Variants in SLC35F1 observed in about 807,000 individuals in gnomAD.
SLC35F1 encodes chromosome 6 open reading frame 169.
SLC35F1 carries 14 observed loss-of-function variants against 48.7 expected under a neutral mutation model. That is an observed-to-expected ratio of 0.29 (90% CI 0.19 to 0.45). The LOEUF (loss-of-function observed/expected upper bound fraction) is 0.45. SLC35F1 is among the 20% of genes least tolerant of loss of function. The pLI, the probability that SLC35F1 is intolerant of heterozygous loss-of-function variation, is 1.00. For missense variants in SLC35F1, 404 were observed against 500.0 expected, an observed-to-expected ratio of 0.81 and a Z score of 1.83; for synonymous variants, 190 against 202.2, an observed-to-expected ratio of 0.94 and a Z score of 0.51.
At chr6:118,027,302 T>C (rs1771973442) in intron 1 of SLC35F1, among the ~76,000 whole-genome samples, 1 of 152,124 alleles carries the variant, frequency 6.6e-6, no homozygotes, top group African/African-American at 2.4e-5. Flanking sequence ...CTCTGGTAAA[T>C]ACCTAGGAGT....
At chr6:117,923,700 C>CATATGT (rs1562238818) in intron 1 of SLC35F1, among the ~76,000 whole-genome samples, 996 of 5,802 alleles carry the variant, frequency 0.17, 338 homozygotes, top group African/African-American at 0.26. Flanking sequence ...TGTACATATA[C>CATATGT]ATATATGTAC....
intron 2 of SLC35F1, among the ~76,000 whole-genome samples, chr6:118,189,208 G>A (rs564991909): frequency 4.7e-4 from 72 of 152,262 alleles, no homozygotes; most frequent in African/African-American, 1.7e-3. Flanking sequence ...ACCATGCCCA[G>A]TCCAACTTAC....
chr6:117,957,763 TAAAC>T (rs963507722), intron 1 of SLC35F1, among the ~76,000 whole-genome samples: 28 of 152,358 alleles, frequency 1.8e-4, no homozygotes, highest in Middle Eastern at 6.8e-3. Flanking sequence ...GATGCTTGTG[TAAAC>T]AAACCTGCTG....
intron 1 of SLC35F1, among the ~76,000 whole-genome samples, chr6:117,984,533 A>G (rs1776824988): frequency 6.6e-6 from 1 of 151,970 alleles, no homozygotes; most frequent in Admixed American, 6.6e-5. Context: ...TTCATGACAC[A>G]TAAATGTATA....
At chr6:117,912,298 G>C (rs768391307) in intron 1 of SLC35F1, among the ~76,000 whole-genome samples, 4 of 152,150 alleles carry the variant, frequency 2.6e-5, no homozygotes, top group Admixed American at 6.5e-5. Flanking sequence ...AGATCGTTAA[G>C]GATATACATA....
chr6:118,200,682 G>A (rs968915294), intron 2 of SLC35F1, among the ~76,000 whole-genome samples: 1 of 152,162 alleles, frequency 6.6e-6, no homozygotes, highest in Non-Finnish European at 1.5e-5. Context: ...ATACCCCAGT[G>A]TGTTAGTTAG....
intron 1 of SLC35F1, among the ~76,000 whole-genome samples, chr6:117,983,971 G>A (rs1776815876): frequency 6.6e-6 from 1 of 152,158 alleles, no homozygotes; most frequent in African/African-American, 2.4e-5. Flanking sequence ...TGAACCCTTT[G>A]AGAAGTATAT....
intron 1 of SLC35F1, among the ~76,000 whole-genome samples, chr6:117,922,412 T>C (rs758136788): frequency 1.3e-5 from 2 of 152,234 alleles, no homozygotes; most frequent in Non-Finnish European, 2.9e-5. Flanking sequence ...ATTTATATCA[T>C]TTGCATGTTA....
chr6:118,054,657 C>G (rs1037488699), intron 1 of SLC35F1, among the ~76,000 whole-genome samples: 5 of 152,202 alleles, frequency 3.3e-5, no homozygotes, highest in Admixed American at 2.6e-4. Flanking sequence ...CTTTCTGACA[C>G]TAACTCACCC....
intron 1 of SLC35F1, among the ~76,000 whole-genome samples, chr6:118,093,547 T>A (rs544870304): frequency 3.3e-5 from 5 of 152,314 alleles, no homozygotes; most frequent in African/African-American, 1.2e-4. Flanking sequence ...AAAGGGAACT[T>A]CCGCTACACA....
intron 1 of SLC35F1, among the ~76,000 whole-genome samples, chr6:117,979,314 C>A (rs1207143611): frequency 6.6e-6 from 1 of 152,142 alleles, no homozygotes; most frequent in Non-Finnish European, 1.5e-5. Context: ...AATATCACAA[C>A]CCTCCGTTAC....
In SLC35F1 at chr6:118,219,935, T is replaced by A. The variant is rs6569007; in HGVS notation, c.350-15574T>A. The stretch of plus-strand genomic sequence containing the variant: ...TCGCAGGGACAGAAAACCAAACACC[T>A]CATGTTCTCACTCATAGGTGGGAAT... On this transcript the variant is annotated intron_variant, in intron 2 of 7. Coordinates refer to ENST00000360388, the MANE Select transcript of SLC35F1 (RefSeq NM_001029858.4). Among the ~76,000 whole-genome samples, 195 of 152,112 alleles carry A rather than the reference T, an allele frequency of 1.3e-3. 2 individuals carry two copies. The highest frequency in any genetic ancestry group is 4.1e-3 in the African/African-American group (172 of 41,458).
intron 1 of SLC35F1, among the ~76,000 whole-genome samples, chr6:118,007,089 T>C (rs530928446): frequency 8.5e-5 from 13 of 152,124 alleles, no homozygotes; most frequent in African/African-American, 2.6e-4. Flanking sequence ...ATACTTGAAA[T>C]TGGGTAGTTT....
intron 2 of SLC35F1, among the ~76,000 whole-genome samples, chr6:118,235,212 G>A (rs540774624): frequency 6.6e-6 from 1 of 152,184 alleles, no homozygotes; most frequent in East Asian, 1.9e-4. Flanking sequence ...ATTTTCATAT[G>A]ATGTAATTAT....
At chr6:118,257,337 C>CT (rs1040159987) in intron 3 of SLC35F1, among the ~76,000 whole-genome samples, 20 of 152,188 alleles carry the variant, frequency 1.3e-4, no homozygotes, top group Non-Finnish European at 2.6e-4. Flanking sequence ...TGCTTCATTT[C>CT]TGCCTGCTCT....
chr6:117,981,254 T>G (rs1281612646), intron 1 of SLC35F1, among the ~76,000 whole-genome samples: 1 of 152,134 alleles, frequency 6.6e-6, no homozygotes, highest in Non-Finnish European at 1.5e-5. Flanking sequence ...GAGATGGTGC[T>G]GGAGTCGTGG....
chr6:118,109,432 C>A (rs542874667), intron 1 of SLC35F1, among the ~76,000 whole-genome samples: 1 of 152,250 alleles, frequency 6.6e-6, no homozygotes, highest in African/African-American at 2.4e-5. Flanking sequence ...GCTGGAGATA[C>A]AACCATCTGC....
rs1397296799 is a variant in SLC35F1, at chr6:118,241,609, CTG to C, written c.477+5977_477+5978del. 4.6e-4 allele frequency among the ~76,000 whole-genome samples: 61 copies of C among 132,942 alleles called. 2 individuals carry two copies. The South Asian group carries it at 9.0e-3, about 20-fold the overall frequency. The allele number at this position is 132,942 out of a possible 152,430, so 87.2% of individuals were successfully genotyped here. A position where few individuals can be genotyped will look rare whatever the true frequency, so the allele number is the denominator to read the frequency against. On this transcript the variant is annotated intron_variant, in intron 3 of 7. Coordinates refer to ENST00000360388, the MANE Select transcript of SLC35F1 (RefSeq NM_001029858.4). ...TGTGTGTGTGTGTGTGTGTGTGTGT[CTG>C]TGTAGTTCTATGCACTTTGGTCTCA...
intron 2 of SLC35F1, among the ~76,000 whole-genome samples, chr6:118,192,293 A>C (rs903597450): frequency 5.3e-5 from 8 of 152,132 alleles, no homozygotes; most frequent in Non-Finnish European, 1.0e-4. Context: ...GCAGTTTTAT[A>C]AACCAGTCAG....
Sources: gnomAD v4.1 joint callset for allele counts (sites outside exome capture counted in the v4.1 genomes callset) on GRCh38, gnomAD v4.1.1 for gene constraint, MANE v1.5 for transcripts, NCBI Gene and HGNC (gene_info 2026-07-23, HGNC 2026-07-21) for gene names.